Variants in CABP5 observed in about 807,000 individuals in gnomAD.
CABP5 encodes calcium binding protein 5.
CABP5 carries 17 observed loss-of-function variants against 21.9 expected under a neutral mutation model. The observed-to-expected ratio is 0.78, with a 90% confidence interval of 0.53 to 1.17. CABP5 has a LOEUF of 1.17. Among genes scored for constraint, CABP5 ranks in the 50% most tolerant of loss-of-function variants. The pLI is 0.00. For synonymous variants in CABP5, 85 were observed against 79.4 expected (o/e 1.07, Z -0.37); for missense variants, 229 against 228.9 (o/e 1.00, Z 0.00).
chr19:48,040,762 G>C lies in CABP5; in HGVS notation c.95-14C>G. On this transcript the variant is annotated splice_polypyrimidine_tract_variant and intron_variant, in intron 2 of 5. Coordinates refer to ENST00000293255, the MANE Select transcript of CABP5 (RefSeq NM_019855.5). ...CTTCCCGCAGCTCTGAAAGTTAAGA[G>C]AGAACTTTGGGGGAACTTGAAGCAG... is the stretch of plus-strand genomic sequence containing the variant. The C allele has an allele frequency of 6.2e-7, 1 of 1,613,566 alleles. No homozygotes were observed. The highest frequency in any genetic ancestry group is 8.5e-7 in the Non-Finnish European group (1 of 1,179,592).
chr19:48,043,731 T>C, intron 1 of CABP5, 129 bp downstream of exon 1: 1 of 737,802 alleles, frequency 1.4e-6, no homozygotes, highest in Non-Finnish European at 2.0e-6. Flanking sequence ...GAATTTCTTA[T>C]ACCTTCTCAG....
chr19:48,043,863 C>T lies in CABP5; in HGVS notation c.60G>A (p.Gln20=). The part of the protein sequence containing the change: ...IFLRKGIAEK[Q]RERPLGQDEI... ...TCCCCCTCACTCCCCACCTCACCCG[C>T]TGTTTCTCAGCAATGCCTTTCCTCA... is the stretch of plus-strand genomic sequence containing the variant. Residue 20 remains glutamine, a synonymous_variant, in exon 1 of 6, where the codon CAG becomes CAA. Coordinates refer to ENST00000293255, the MANE Select transcript of CABP5 (RefSeq NM_019855.5). 1 of 1,501,004 alleles carries T rather than the reference C, an allele frequency of 6.7e-7. No homozygotes were observed. The highest frequency in any genetic ancestry group is 8.9e-7 in the Non-Finnish European group (1 of 1,129,878). The allele number at this position is 1,501,004 out of a possible 1,614,324, so 93.0% of individuals were successfully genotyped here.
At chr19:48,042,307 G>A (rs1967491051) in intron 1 of CABP5, among the ~76,000 whole-genome samples, 1 of 152,188 alleles carries the variant, frequency 6.6e-6, no homozygotes, top group African/African-American at 2.4e-5. Context: ...CATGGAAACA[G>A]CATTCAATGG....
At chr19:48,040,835 C>A in intron 2 of CABP5, 87 bp from the exon 3 acceptor site, 1 of 1,299,332 alleles carries the variant, frequency 7.7e-7, no homozygotes, top group Non-Finnish European at 1.1e-6. Context: ...GAGGCTCCAA[C>A]TAGAGACTCC....
chr19:48,039,274 G>A lies in CABP5; in HGVS notation c.282C>T (p.Thr94=), dbSNP rs760403509. The change falls in exon 4 of 6, where the codon ACC becomes ACT. Residue 94 remains threonine (T), a synonymous_variant. Coordinates refer to ENST00000293255, the MANE Select transcript of CABP5 (RefSeq NM_019855.5). ...CAGCTGTTTCTGCAAGCAATTTGGG[G>A]GTCATCAGCTCCACAAAGTCATCAA... The part of the protein sequence containing the change: ...VDFDDFVELM[T]PKLLAETAGM... 2 of 1,613,910 alleles carry A rather than the reference G, an allele frequency of 1.2e-6. No homozygotes were observed. The highest frequency in any genetic ancestry group is 1.7e-6 in the Non-Finnish European group (2 of 1,179,996).
At chr19:48,030,608 G>A (rs778413262) in intron 5 of CABP5, 26 bp from the exon 6 acceptor site, 11 of 1,610,406 alleles carry the variant, frequency 6.8e-6, no homozygotes, top group Middle Eastern at 3.3e-4. Flanking sequence ...AAAATCCCCA[G>A]TAAGGCATCT....
rs1040097193 is a variant in CABP5 at position 48,041,506 on chromosome 19, A to G, written c.94+67T>C. 4 of 1,441,938 alleles carry G rather than the reference A, an allele frequency of 2.8e-6. No homozygotes were observed. The African/African-American group carries it at 4.2e-5, about 15-fold the overall frequency. 89.3% of individuals were successfully genotyped at this position (1,441,938 alleles called of 1,614,324 possible). A position where few individuals can be genotyped will look rare whatever the true frequency, so the allele number is the denominator to read the frequency against. ...TAATGGAATTTATACGGAAATGCAC[A>G]AAGGGACTGAGGGCAGGTCAGGTGG... On this transcript the variant is annotated intron_variant, in intron 2 of 5. Coordinates refer to ENST00000293255, the MANE Select transcript of CABP5 (RefSeq NM_019855.5).
In CABP5 at chr19:48,034,229, G is replaced by T. The variant is rs1046109512; in HGVS notation, c.482C>A (p.Thr161Lys). Residue 161 changes from threonine (T) to lysine (K), a missense_variant, in exon 5 of 6, where the codon ACA (threonine) becomes AAA (lysine). Transcript: ENST00000293255. Reference sequence around the variant, plus strand: ...GTCAATGTCACCTTCAAAGTCAACTGTGCCGTCTCCATTAACATCAGCCTC... The same window carrying T: ...GTCAATGTCACCTTCAAAGTCAACTTTGCCGTCTCCATTAACATCAGCCTC... Reference protein sequence around the residue: ...VREADVNGDGTVDFEEFVKMM... With the variant: ...VREADVNGDGKVDFEEFVKMM... 7 of 1,593,744 alleles carry T rather than the reference G, an allele frequency of 4.4e-6. No homozygotes were observed. In the Admixed American group the frequency reaches 7.1e-5, roughly 16 times the overall value.
rs1165908425 is a variant in CABP5, at chr19:48,030,294, G to A, written c.*263C>T. 1 of 427,278 alleles carries A rather than the reference G, an allele frequency of 2.3e-6. No individual in the cohort carries two copies. 26.5% of individuals were successfully genotyped at this position (427,278 alleles called of 1,614,324 possible). ...GATGTCAAGAATCATTGGAATTTTT[G>A]GGGGTGGCAACTGGACCCTCCCACG... On this transcript the variant is annotated 3_prime_UTR_variant, in exon 6 of 6. Coordinates refer to ENST00000293255, the MANE Select transcript of CABP5 (RefSeq NM_019855.5).
In CABP5 at chr19:48,044,024, GC is replaced by G; in HGVS notation, c.-103del. 1 of 988,510 alleles carries G rather than the reference GC, an allele frequency of 1.0e-6. No individual in the cohort carries two copies. The highest frequency in any genetic ancestry group is 1.5e-6 in the Non-Finnish European group (1 of 684,808). 61.2% of individuals were successfully genotyped at this position (988,510 alleles called of 1,614,324 possible). A position where few individuals can be genotyped will look rare whatever the true frequency, so the allele number is the denominator to read the frequency against. The stretch of plus-strand genomic sequence containing the variant: ...TCCTTATCTTCTCCAGCACTCCTTT[GC>G]CACCTCTTCCTGCCTCTCTTGGCTT... On this transcript the variant is annotated 5_prime_UTR_variant, in exon 1 of 6. Transcript: ENST00000293255.
At chr19:48,038,929 A>G (rs1180582116) in intron 4 of CABP5, among the ~76,000 whole-genome samples, 2 of 152,114 alleles carry the variant, frequency 1.3e-5, no homozygotes, top group Non-Finnish European at 2.9e-5. Flanking sequence ...ATTGGGATAC[A>G]TGACTGCTTG....
chr19:48,034,069 A>G, intron 5 of CABP5, 146 bp downstream of exon 5: 1 of 732,286 alleles, frequency 1.4e-6, no homozygotes, highest in Non-Finnish European at 2.1e-6. Context: ...GACAGAACAA[A>G]TGCTTCCAAA....
Position 48,030,590 on chromosome 19 carries a change from G to GAA in CABP5, c.497-10_497-9dup, listed in dbSNP as rs199946129. 32 of 1,410,126 alleles carry GAA rather than the reference G, an allele frequency of 2.3e-5. No individual in the cohort carries two copies. The African/African-American group carries it at 2.6e-4, about 11-fold the overall frequency. 87.4% of individuals were successfully genotyped at this position (1,410,126 alleles called of 1,614,324 possible). A position where few individuals can be genotyped will look rare whatever the true frequency, so the allele number is the denominator to read the frequency against. On this transcript the variant is annotated splice_polypyrimidine_tract_variant and intron_variant, in intron 5 of 5. Coordinates refer to ENST00000293255, the MANE Select transcript of CABP5 (RefSeq NM_019855.5). Reference sequence around the variant, plus strand: ...ACATCATCTTCACAAACTCTGCAAAGAAAAAAAAAAATCCCCAGTAAGGCA... The same window carrying GAA: ...ACATCATCTTCACAAACTCTGCAAAGAAAAAAAAAAAAATCCCCAGTAAGGCA...
At chr19:48,042,943 GTA>G (rs1241948993) in intron 1 of CABP5, among the ~76,000 whole-genome samples, 2 of 152,064 alleles carry the variant, frequency 1.3e-5, no homozygotes, top group East Asian at 3.9e-4. Flanking sequence ...GGACAAGTTG[GTA>G]TATATGGAAA....
intron 1 of CABP5, among the ~76,000 whole-genome samples, chr19:48,042,554 A>G (rs1967494106): frequency 6.9e-6 from 1 of 145,976 alleles, no homozygotes; most frequent in Non-Finnish European, 1.5e-5. Context: ...GCGGTCCCTT[A>G]TCACCCTTTT....
chr19:48,039,435 T>G (rs1303021916), intron 3 of CABP5, 118 bp from the exon 4 acceptor site: 2 of 732,016 alleles, frequency 2.7e-6, no homozygotes, highest in Admixed American at 4.4e-5. Flanking sequence ...AGAGCCGTCT[T>G]TGACTTCCTC....
intron 4 of CABP5, among the ~76,000 whole-genome samples, chr19:48,035,823 G>C (rs751641449): frequency 5.3e-5 from 8 of 152,330 alleles, no homozygotes; most frequent in African/African-American, 1.9e-4. Flanking sequence ...GCCCAAGTAC[G>C]TAGGGGCTTG....
intron 3 of CABP5, among the ~76,000 whole-genome samples, chr19:48,039,796 C>T (rs1009034082): frequency 1.5e-5 from 2 of 137,100 alleles, no homozygotes; most frequent in Non-Finnish European, 3.1e-5. Flanking sequence ...TCACTGCAAC[C>T]TCTGCCTCCC....
intron 4 of CABP5, among the ~76,000 whole-genome samples, chr19:48,038,555 G>C (rs1202706578): frequency 6.6e-6 from 1 of 152,062 alleles, no homozygotes; most frequent in Non-Finnish European, 1.5e-5. Flanking sequence ...GGCCAGGCAC[G>C]GTGGCTCATG....
Sources: allele counts gnomAD v4.1 joint callset (sites outside exome capture counted in the v4.1 genomes callset), GRCh38; gene constraint gnomAD v4.1.1; transcripts MANE v1.5; gene names NCBI Gene and HGNC (gene_info 2026-07-23, HGNC 2026-07-21).